ADCY9: variants seen among roughly 807,000 people sequenced by gnomAD.
ADCY9 encodes adenylate cyclase 9.
ADCY9 carries 50 observed loss-of-function variants against 101.5 expected under a neutral mutation model. That is an observed-to-expected ratio of 0.49 (90% CI 0.39 to 0.62). The LOEUF (loss-of-function observed/expected upper bound fraction) is 0.62. Among genes scored for constraint, ADCY9 ranks in the 20% least tolerant of loss-of-function variants. The probability of loss-of-function intolerance (pLI) is 0.00; values close to 1 mark genes in which losing one functional copy is unlikely to be tolerated. For missense variants in ADCY9, 1,662 were observed against 1,800.4 expected (o/e 0.92, Z 1.39); for synonymous variants, 905 against 769.3 (o/e 1.18, Z -2.92).
chr16:3,999,639 G>A (rs981476044), intron 3 of ADCY9, among the ~76,000 whole-genome samples: 11 of 152,188 alleles, frequency 7.2e-5, no homozygotes, highest in African/African-American at 2.7e-4. Flanking sequence ...CCAGCAGCAC[G>A]CCTGGCGGGC....
intron 3 of ADCY9, among the ~76,000 whole-genome samples, chr16:4,000,688 G>A (rs111278796): frequency 2.0e-5 from 3 of 151,740 alleles, no homozygotes; most frequent in African/African-American, 4.8e-5. Context: ...CACACGGGGC[G>A]GAGTCGAAAA....
At chr16:4,078,740 A>C (rs2056884139) in intron 2 of ADCY9, among the ~76,000 whole-genome samples, 1 of 152,196 alleles carries the variant, frequency 6.6e-6, no homozygotes, top group South Asian at 2.1e-4. Flanking sequence ...ATCAAGAAAT[A>C]TCACGATTGA....
chr16:4,071,067 C>T (rs1331498339), intron 2 of ADCY9, among the ~76,000 whole-genome samples: 1 of 152,034 alleles, frequency 6.6e-6, no homozygotes, highest in African/African-American at 2.4e-5. Flanking sequence ...TGGTGGCTCA[C>T]ACCTGTAATC....
chr16:3,969,215 A>G (rs72760902), intron 10 of ADCY9, among the ~76,000 whole-genome samples: 9,511 of 152,104 alleles, frequency 0.063, 359 homozygotes, highest in Admixed American at 0.088. Flanking sequence ...GGGGCTGCAG[A>G]TGAGTGGTGA....
chr16:3,978,936 C>A (rs1025466727), intron 8 of ADCY9, among the ~76,000 whole-genome samples, 180 bp downstream of exon 8: 1 of 152,100 alleles, frequency 6.6e-6, no homozygotes, highest in Non-Finnish European at 1.5e-5. Context: ...AGGATGGTCT[C>A]GATCTCTTGA....
chr16:3,955,525 G>A (rs1465199987), intron 5 of ADCY9, among the ~76,000 whole-genome samples: 2 of 151,958 alleles, frequency 1.3e-5, no homozygotes, highest in African/African-American at 4.8e-5. Flanking sequence ...GTCTACGGAT[G>A]TCCTTCATTT....
At chr16:4,025,710 A>G (rs899187394) in intron 2 of ADCY9, among the ~76,000 whole-genome samples, 24 of 152,326 alleles carry the variant, frequency 1.6e-4, no homozygotes, top group African/African-American at 5.3e-4. Context: ...CAGAGAAGGC[A>G]GAACCCGCAG....
At chr16:3,956,657 A>AT (rs71394630) in intron 5 of ADCY9, among the ~76,000 whole-genome samples, 54,781 of 139,534 alleles carry the variant, frequency 0.39, 12,059 homozygotes, top group Non-Finnish European at 0.5. Flanking sequence ...CACCTGGCTA[A>AT]TTTTTTTTTT....
intron 3 of ADCY9, among the ~76,000 whole-genome samples, chr16:4,004,037 G>A (rs1489081144): frequency 6.6e-6 from 1 of 151,424 alleles, no homozygotes; most frequent in Non-Finnish European, 1.5e-5. Flanking sequence ...CAGGAGGATG[G>A]TATAACCCCA....
chr16:4,023,749 C>T (rs1244811128), intron 2 of ADCY9, among the ~76,000 whole-genome samples: 6 of 152,080 alleles, frequency 3.9e-5, no homozygotes, highest in Non-Finnish European at 8.8e-5. Flanking sequence ...CCCGTGTCTA[C>T]TAAAAATACA....
chr16:4,041,284 C>T (rs2056624821), intron 2 of ADCY9, among the ~76,000 whole-genome samples: 1 of 152,114 alleles, frequency 6.6e-6, no homozygotes, highest in South Asian at 2.1e-4. Flanking sequence ...AGGTGGATCA[C>T]CTGAGGTCAG....
chr16:3,983,377 A>G lies in ADCY9; in HGVS notation c.2374T>C (p.Phe792Leu). Residue 792 changes from phenylalanine to leucine, a missense_variant, in exon 7 of 11, where the codon TTT becomes CTT. Physicochemically the swap from Phe to Leu is conservative, Grantham distance 22. Transcript: ENST00000294016. The stretch of plus-strand genomic sequence containing the variant: ...GTCAGAAACACTGTGGTCGACAGAA[A>G]CACATCCAGGAGGGAGCTGAAGGTG... ...SPTFSSLLDV[F>L]LSTTVFLTLS... The G allele has an allele frequency of 1.2e-6, 2 of 1,607,692 alleles. No individual in the cohort carries two copies. Among genetic ancestry groups the G allele is most frequent in the Non-Finnish European group, 1.7e-6 (2 of 1,176,752 alleles).
chr16:4,050,607 G>C (rs1018194075), intron 2 of ADCY9, among the ~76,000 whole-genome samples: 8 of 151,278 alleles, frequency 5.3e-5, no homozygotes, highest in Non-Finnish European at 1.0e-4. Context: ...CCAGCTACTA[G>C]GGAGGCTGAG....
intron 2 of ADCY9, among the ~76,000 whole-genome samples, chr16:4,013,937 G>A (rs1815349223): frequency 6.6e-6 from 1 of 152,178 alleles, no homozygotes; most frequent in Non-Finnish European, 1.5e-5. Context: ...CATAAGAACT[G>A]ATTTGTTCTT....
chr16:3,969,006 C>T (rs2056023645), intron 10 of ADCY9, among the ~76,000 whole-genome samples: 1 of 152,268 alleles, frequency 6.6e-6, no homozygotes, highest in Non-Finnish European at 1.5e-5. Context: ...CCACCATGCC[C>T]AGATTATTTT....
intron 8 of ADCY9, among the ~76,000 whole-genome samples, chr16:3,978,075 T>C (rs75727697): frequency 0.016 from 2,395 of 152,282 alleles, 66 homozygotes; most frequent in African/African-American, 0.054. Flanking sequence ...TTGCTCACTA[T>C]CTGCAGTCAG....
At chr16:4,019,375 G>T (rs372578930) in intron 2 of ADCY9, among the ~76,000 whole-genome samples, 2 of 152,160 alleles carry the variant, frequency 1.3e-5, no homozygotes, top group African/African-American at 4.8e-5. Context: ...CAGGCTGGGC[G>T]ATTTGTTCTC....
chr16:3,983,146 C>G, intron 7 of ADCY9, 86 bp downstream of exon 7: 3 of 1,278,368 alleles, frequency 2.3e-6, no homozygotes, highest in Non-Finnish European at 3.2e-6. Flanking sequence ...GGCTGGGGAC[C>G]AGTCCAACCG....
intron 2 of ADCY9, among the ~76,000 whole-genome samples, chr16:4,069,272 GTTATTATTA>G (rs57466737): frequency 2.2e-4 from 33 of 147,374 alleles, no homozygotes; most frequent in South Asian, 4.3e-4. Flanking sequence ...GTTGTTGTAA[GTTATTATTA>G]TTATTATTAT....
Sources: gnomAD v4.1 joint callset for allele counts (sites outside exome capture counted in the v4.1 genomes callset) on GRCh38, gnomAD v4.1.1 for gene constraint, MANE v1.5 for transcripts, NCBI Gene and HGNC (gene_info 2026-07-23, HGNC 2026-07-21) for gene names.